Variants in TDRD12 observed in about 807,000 individuals in gnomAD.
The protein encoded by TDRD12 is putative ATP-dependent RNA helicase TDRD12.
A neutral mutation model predicts 133.5 loss-of-function variants in TDRD12; 158 were observed. The ratio of observed to expected loss-of-function variants is 1.18; its 90% CI spans 1.04 to 1.35. The LOEUF is 1.35. Among genes scored for constraint, TDRD12 ranks in the 40% most tolerant of loss-of-function variants. The pLI is 0.00. For missense variants in TDRD12, 1,443 were observed against 1,321.3 expected (o/e 1.09, Z -1.43); for synonymous variants, 460 against 477.9 (o/e 0.96, Z 0.49).
At chr19:32,800,807 G>A (rs1197838178) in intron 18 of TDRD12, 35 bp downstream of exon 18, 1 of 1,489,428 alleles carries the variant, frequency 6.7e-7, no homozygotes, top group Non-Finnish European at 8.9e-7. Flanking sequence ...TGTTCTGTTT[G>A]TTTCAACTGG....
At chr19:32,745,777 G>A (rs1040681139) in intron 4 of TDRD12, among the ~76,000 whole-genome samples, 3 of 79,876 alleles carry the variant, frequency 3.8e-5, no homozygotes, top group Non-Finnish European at 6.9e-5. Flanking sequence ...GAGAGAGACT[G>A]GCTGATGTCA....
At chr19:32,812,745 A>G (rs150334672) in intron 24 of TDRD12, among the ~76,000 whole-genome samples, 36 of 152,332 alleles carry the variant, frequency 2.4e-4, no homozygotes, top group African/African-American at 7.0e-4. Flanking sequence ...TCCTGTGTAC[A>G]TTCTTCTGAA....
At chr19:32,814,782 CAG>C (rs1380290380) in intron 25 of TDRD12, among the ~76,000 whole-genome samples, 1 of 152,140 alleles carries the variant, frequency 6.6e-6, no homozygotes, top group Non-Finnish European at 1.5e-5. Flanking sequence ...CCATTTTGAG[CAG>C]AGAGAGGCTC....
exon 10 of TDRD12, chr19:32,827,928 C>T (rs1192669540): frequency 6.6e-6 from 1 of 152,190 alleles, no homozygotes; most frequent in African/African-American, 2.4e-5. Context: ...TGTCTGGAGT[C>T]AGTCCATTCA....
chr19:32,818,207 G>T (rs1444085730), intron 27 of TDRD12, 50 bp downstream of exon 27: 1 of 681,266 alleles, frequency 1.5e-6, no homozygotes, highest in Admixed American at 2.1e-5. Context: ...GGGACAGGGG[G>T]CCATGTGTGA....
chr19:32,743,206 C>T (rs908773377), intron 4 of TDRD12, among the ~76,000 whole-genome samples: 7 of 152,256 alleles, frequency 4.6e-5, no homozygotes, highest in African/African-American at 1.2e-4. Flanking sequence ...CACGCGCGCA[C>T]GGTCTCACCC....
At chr19:32,802,162 TG>T (rs1971411651) in intron 19 of TDRD12, among the ~76,000 whole-genome samples, 1 of 142,560 alleles carries the variant, frequency 7.0e-6, no homozygotes, top group Non-Finnish European at 1.5e-5. Context: ...TATATATATA[TG>T]ATAATATATA....
Position 32,757,073 on chromosome 19 carries a change from C to T in TDRD12, c.808C>T (p.Gln270Ter). 6.4e-7 allele frequency: 1 copy of T among 1,551,846 alleles called. No homozygotes were observed. Among genetic ancestry groups the T allele is most frequent in the Non-Finnish European group, 8.7e-7 (1 of 1,147,018 alleles). ...TGTAAATTTTCCGGCACAATCTCTG[C>T]AACATACATGGTGCAAGGGTATTGT... Residue 270 changes from glutamine (Q) to a stop codon, truncating the protein, a stop_gained, in exon 8 of 28, where the codon CAA (glutamine) becomes TAA (stop). Coordinates refer to ENST00000444215, the Ensembl canonical transcript of TDRD12. LOFTEE classifies it high-confidence loss of function.
intron 3 of TDRD12, among the ~76,000 whole-genome samples, chr19:32,741,216 G>C (rs989210783): frequency 6.6e-6 from 1 of 152,166 alleles, no homozygotes; most frequent in Non-Finnish European, 1.5e-5. Context: ...CGAGTAGTTG[G>C]GACTACAGGC....
intron 3 of TDRD12, among the ~76,000 whole-genome samples, chr19:32,740,592 T>C (rs1235604117): frequency 6.6e-6 from 1 of 152,220 alleles, no homozygotes; most frequent in East Asian, 1.9e-4. Context: ...ATCTTCTGAC[T>C]GCTCTCTGCC....
In TDRD12 at chr19:32,781,099, C is replaced by T. The variant is rs745638834; in HGVS notation, c.1121+3870C>T. On this transcript the variant is annotated intron_variant, in intron 11 of 27. Coordinates refer to ENST00000444215, the Ensembl canonical transcript of TDRD12. ...CTGGGGCTACAGGCACCCACCATCA[C>T]GCCTGGCTAATTTTTTTGTATTTTT... Among the ~76,000 whole-genome samples, 41 of 152,076 alleles carry T rather than the reference C, an allele frequency of 2.7e-4. No homozygotes were observed. In the East Asian group the frequency reaches 3.9e-3, roughly 14 times the overall value.
At chr19:32,755,130 T>G (rs1274081712) in intron 6 of TDRD12, among the ~76,000 whole-genome samples, 2 of 152,166 alleles carry the variant, frequency 1.3e-5, no homozygotes, top group Non-Finnish European at 2.9e-5. Context: ...CCTCTTCCAT[T>G]GTGTGGATAT....
intron 11 of TDRD12, among the ~76,000 whole-genome samples, chr19:32,786,252 G>A (rs1057035200): frequency 6.6e-6 from 1 of 152,086 alleles, no homozygotes; most frequent in African/African-American, 2.4e-5. Context: ...TTGAATATTG[G>A]CCCCCACTCT....
intron 11 of TDRD12, among the ~76,000 whole-genome samples, chr19:32,786,622 C>A (rs1472151026): frequency 6.6e-6 from 1 of 152,170 alleles, no homozygotes; most frequent in Non-Finnish European, 1.5e-5. Context: ...TTGTTCATTT[C>A]TTTTTACTCT....
intron 2 of TDRD12, among the ~76,000 whole-genome samples, chr19:32,733,441 G>A (rs1247160674): frequency 6.7e-6 from 1 of 149,900 alleles, no homozygotes; most frequent in Admixed American, 6.7e-5. Flanking sequence ...TTGCACTCCA[G>A]CCTAGGCAAC....
chr19:32,751,097 T>A (rs1194290029), intron 6 of TDRD12, among the ~76,000 whole-genome samples: 2 of 149,280 alleles, frequency 1.3e-5, no homozygotes. Flanking sequence ...CCTGATGCTC[T>A]CCCTCCCCCC....
chr19:32,805,204 C>T (rs1395082128), intron 21 of TDRD12, among the ~76,000 whole-genome samples: 7 of 12,602 alleles, frequency 5.6e-4, no homozygotes, highest in Non-Finnish European at 1.2e-3. Context: ...TATATACACA[C>T]ACACACACAC....
chr19:32,741,708 T>C (rs1051779258), intron 3 of TDRD12, among the ~76,000 whole-genome samples: 1 of 152,076 alleles, frequency 6.6e-6, no homozygotes, highest in Non-Finnish European at 1.5e-5. Flanking sequence ...CAAGGCATAA[T>C]AGGAACCCTG....
intron 10 of TDRD12, among the ~76,000 whole-genome samples, chr19:32,776,813 A>G (rs538958113): frequency 2.0e-5 from 3 of 152,356 alleles, no homozygotes; most frequent in South Asian, 4.1e-4. Flanking sequence ...AGATAAACCA[A>G]TTCCTCAGTG....
Sources: gnomAD v4.1 joint callset for allele counts (sites outside exome capture counted in the v4.1 genomes callset) on GRCh38, gnomAD v4.1.1 for gene constraint, MANE v1.5 for transcripts, NCBI Gene and HGNC (gene_info 2026-07-23, HGNC 2026-07-21) for gene names.